AKT3: variants seen among roughly 807,000 people sequenced by gnomAD.
AKT3 encodes the protein AKT serine/threonine kinase 3.
Under a neutral mutation model 65.3 loss-of-function variants are expected in AKT3, and 15 were observed. The ratio of observed to expected loss-of-function variants is 0.23; its 90% CI spans 0.15 to 0.35. AKT3 has a LOEUF of 0.35. Ranked by LOEUF, AKT3 falls within the 10% of genes least tolerant of loss-of-function variation. The probability of loss-of-function intolerance (pLI) is 1.00; values close to 1 mark genes in which losing one functional copy is unlikely to be tolerated. For missense variants in AKT3, 243 were observed against 576.5 expected, an observed-to-expected ratio of 0.42 and a Z score of 5.92; for synonymous variants, 206 against 183.8, an observed-to-expected ratio of 1.12 and a Z score of -0.98.
At chr1:243,689,482 AT>A (rs11354558) in intron 3 of AKT3, among the ~76,000 whole-genome samples, 32,674 of 128,338 alleles carry the variant, frequency 0.25, 4,649 homozygotes, top group African/African-American at 0.42. Context: ...TTATTCAAAG[AT>A]TTTTTTTTTT....
intron 2 of AKT3, among the ~76,000 whole-genome samples, chr1:243,773,944 C>T (rs767560132): frequency 5.3e-5 from 8 of 152,272 alleles, no homozygotes; most frequent in Non-Finnish European, 1.0e-4. Context: ...GTTTATTCAT[C>T]ATTTTTAAGA....
intron 2 of AKT3, among the ~76,000 whole-genome samples, chr1:243,721,586 G>C (rs1686910284): frequency 6.6e-6 from 1 of 151,834 alleles, no homozygotes; most frequent in Non-Finnish European, 1.5e-5. Context: ...CCTTATGATG[G>C]GGAGGAAAGG....
At chr1:243,804,389 T>C (rs1262763798) in intron 2 of AKT3, among the ~76,000 whole-genome samples, 1 of 152,256 alleles carries the variant, frequency 6.6e-6, no homozygotes, top group Non-Finnish European at 1.5e-5. Flanking sequence ...TAAATCTTTA[T>C]GTATTAGCAA....
intron 6 of AKT3, among the ~76,000 whole-genome samples, chr1:243,622,618 A>G (rs1184797162): frequency 6.6e-6 from 1 of 152,232 alleles, no homozygotes; most frequent in African/African-American, 2.4e-5. Flanking sequence ...AATAACGAAT[A>G]ACCTTGGTGC....
At chr1:243,566,197 T>C (rs1269891166) in intron 9 of AKT3, among the ~76,000 whole-genome samples, 1 of 152,214 alleles carries the variant, frequency 6.6e-6, no homozygotes, top group African/African-American at 2.4e-5. Flanking sequence ...GCTCCGTGTG[T>C]GTGTACGTGT....
chr1:243,729,811 GTTC>G (rs769943892), intron 2 of AKT3, among the ~76,000 whole-genome samples: 2 of 152,152 alleles, frequency 1.3e-5, no homozygotes, highest in African/African-American at 2.4e-5. Flanking sequence ...AGATTACAGT[GTTC>G]TTCTTTATGT....
intron 6 of AKT3, among the ~76,000 whole-genome samples, chr1:243,619,195 A>C (rs1372047421): frequency 2.0e-5 from 3 of 152,140 alleles, no homozygotes; most frequent in East Asian, 3.8e-4. Flanking sequence ...AGAAACGGGA[A>C]GAGGGTAGAG....
chr1:243,557,676 T>C (rs1056807801), intron 10 of AKT3, among the ~76,000 whole-genome samples: 1 of 152,038 alleles, frequency 6.6e-6, no homozygotes, highest in Non-Finnish European at 1.5e-5. Context: ...ATATGAGAGT[T>C]AGAAGTTCTT....
Position 243,577,075 on chromosome 1 carries a change from A to G in AKT3, c.697-4027T>C, listed in dbSNP as rs117234114. Among the ~76,000 whole-genome samples the G allele has an allele frequency of 2.4e-4, 36 of 152,320 alleles. No homozygotes were observed. The East Asian group carries it at 6.6e-3, about 28-fold the overall frequency. On this transcript the variant is annotated intron_variant, in intron 8 of 13. Transcript: ENST00000673466. ...ATAGAGAACTCAGAAATAAGACCAA[A>G]TATCTACAACTATTTGATTTTTAAC... is the stretch of plus-strand genomic sequence containing the variant.
At chr1:243,782,598 G>T (rs1033686873) in intron 2 of AKT3, among the ~76,000 whole-genome samples, 3 of 152,174 alleles carry the variant, frequency 2.0e-5, no homozygotes, top group Non-Finnish European at 4.4e-5. Context: ...ATTTGGGGAG[G>T]TAGGGAAGGA....
intron 4 of AKT3, among the ~76,000 whole-genome samples, chr1:243,654,745 A>C (rs1419472386): frequency 1.3e-5 from 2 of 152,168 alleles, no homozygotes; most frequent in African/African-American, 4.8e-5. Flanking sequence ...ATATTCCATT[A>C]TTTGGGAACA....
intron 12 of AKT3, among the ~76,000 whole-genome samples, chr1:243,533,061 T>C (rs1237150664): frequency 2.0e-5 from 3 of 152,178 alleles, no homozygotes; most frequent in African/African-American, 7.2e-5. Context: ...CCATTTAAAG[T>C]TTTGTCAGTT....
chr1:243,562,436 G>A (rs1192454515), intron 10 of AKT3, among the ~76,000 whole-genome samples: 1 of 152,188 alleles, frequency 6.6e-6, no homozygotes, highest in Non-Finnish European at 1.5e-5. Flanking sequence ...AATCACCAAA[G>A]TGTGTATTTT....
At chr1:243,730,482 A>C (rs1162717884) in intron 2 of AKT3, among the ~76,000 whole-genome samples, 1 of 152,202 alleles carries the variant, frequency 6.6e-6, no homozygotes, top group African/African-American at 2.4e-5. Flanking sequence ...ACATGCTCCC[A>C]TTTGCTGGAC....
chr1:243,685,135 G>A (rs534449788), intron 3 of AKT3, among the ~76,000 whole-genome samples: 4 of 152,214 alleles, frequency 2.6e-5, no homozygotes, highest in East Asian at 3.9e-4. Context: ...TTCTTTTGCT[G>A]TGCAGAATCT....
chr1:243,578,035 T>G (rs1001556157), intron 8 of AKT3, among the ~76,000 whole-genome samples: 4 of 151,994 alleles, frequency 2.6e-5, no homozygotes, highest in African/African-American at 9.7e-5. Context: ...CATGAAACAA[T>G]AGATGCTAGT....
chr1:243,549,653 G>A (rs572307397), intron 11 of AKT3, among the ~76,000 whole-genome samples: 4 of 151,858 alleles, frequency 2.6e-5, no homozygotes, highest in African/African-American at 7.2e-5. Context: ...TTGAACTCCC[G>A]ACCTCAAGTG....
chr1:243,659,695 T>C (rs1484830264), intron 4 of AKT3, among the ~76,000 whole-genome samples: 2 of 152,036 alleles, frequency 1.3e-5, no homozygotes, highest in East Asian at 3.9e-4. Flanking sequence ...GAGAAAAAAA[T>C]AGAGTCCACC....
At chr1:243,699,667 G>A (rs917453015) in intron 2 of AKT3, among the ~76,000 whole-genome samples, 3 of 151,252 alleles carry the variant, frequency 2.0e-5, no homozygotes, top group Non-Finnish European at 4.4e-5. Context: ...GTGGACCCTC[G>A]AATGATGTAC....
Sources: allele counts gnomAD v4.1 joint callset (sites outside exome capture counted in the v4.1 genomes callset), GRCh38; gene constraint gnomAD v4.1.1; transcripts MANE v1.5; gene names NCBI Gene and HGNC (gene_info 2026-07-23, HGNC 2026-07-21).